Variants in AHCYL1 observed in about 807,000 individuals in gnomAD.
AHCYL1 encodes adenosylhomocysteinase like 1.
Under a neutral mutation model 79.3 loss-of-function variants are expected in AHCYL1, and 20 were observed. The observed-to-expected ratio is 0.25, with a 90% CI of 0.18 to 0.37. The LOEUF is 0.37. AHCYL1 is among the 10% of genes least tolerant of loss of function. The pLI is 1.00. For missense variants in AHCYL1, 330 were observed against 673.6 expected, an observed-to-expected ratio of 0.49 and a Z score of 5.65; for synonymous variants, 223 against 242.2, an observed-to-expected ratio of 0.92 and a Z score of 0.74.
chr1:110,008,536 G>A (rs966260233), intron 1 of AHCYL1, among the ~76,000 whole-genome samples: 11 of 152,060 alleles, frequency 7.2e-5, no homozygotes, highest in African/African-American at 2.7e-4. Flanking sequence ...GCACCCTAAT[G>A]CCCATCACCA....
chr1:109,989,177 A>G (rs1649624050), intron 1 of AHCYL1, among the ~76,000 whole-genome samples: 1 of 152,138 alleles, frequency 6.6e-6, no homozygotes, highest in African/African-American at 2.4e-5. Flanking sequence ...TGTTTGGTTT[A>G]GTTAGTTACA....
intron 6 of AHCYL1, 80 bp downstream of exon 6, chr1:110,014,937 G>C: frequency 7.5e-7 from 1 of 1,338,290 alleles, no homozygotes; most frequent in Non-Finnish European, 1.1e-6. Context: ...CCCTAAATAT[G>C]TTTTGGATGT....
rs1029277263 is a variant in AHCYL1 at position 109,985,182 on chromosome 1, C to T, written c.120+10C>T. ...CAAGGCGCCCAAGAAGGTGCGGGGGCTCTGGGTGGCGGCGGGGGCTCGGGC... is the reference window on the plus strand; with the variant it reads ...CAAGGCGCCCAAGAAGGTGCGGGGGTTCTGGGTGGCGGCGGGGGCTCGGGC... On this transcript the variant is annotated intron_variant, in intron 1 of 16. Transcript: ENST00000369799. 15 of 1,604,112 alleles carry T rather than the reference C, an allele frequency of 9.4e-6. No homozygotes were observed. Among genetic ancestry groups the T allele is most frequent in the East Asian group, 2.3e-5 (1 of 44,254 alleles).
At chr1:110,004,438 T>C (rs1650519106) in intron 1 of AHCYL1, 2 of 985,344 alleles carry the variant, frequency 2.0e-6, no homozygotes. Context: ...TCCCTTGAGA[T>C]AAGTTGTTTT....
intron 1 of AHCYL1, among the ~76,000 whole-genome samples, chr1:109,992,396 A>C (rs1649811106): frequency 6.8e-6 from 1 of 146,078 alleles, no homozygotes; most frequent in Non-Finnish European, 1.5e-5. Context: ...GCAACAGAGC[A>C]AGACTCCGTC....
Position 110,019,474 on chromosome 1 carries a change from T to G in AHCYL1, c.1387-74T>G, listed in dbSNP as rs546345734. On this transcript the variant is annotated intron_variant, in intron 14 of 16. Transcript: ENST00000369799. ...ACTGTAGTACTTACCCAAATGCTGT[T>G]TAACCTGGTTTTATTTTTATGTGCC... 176 of 1,378,008 alleles carry G rather than the reference T, an allele frequency of 1.3e-4. No individual in the cohort carries two copies. In the East Asian group the frequency reaches 3.8e-3, roughly 30 times the overall value. The allele number at this position is 1,378,008 out of a possible 1,614,324, so 85.4% of individuals were successfully genotyped here. A position where few individuals can be genotyped will look rare whatever the true frequency, so the allele number is the denominator to read the frequency against.
intron 3 of AHCYL1, 112 bp downstream of exon 3, chr1:110,011,469 A>C (rs1409379336): frequency 7.0e-7 from 1 of 1,433,364 alleles, no homozygotes; most frequent in Non-Finnish European, 9.5e-7. Flanking sequence ...GGGAAGAAAG[A>C]CAGTATTATG....
intron 1 of AHCYL1, among the ~76,000 whole-genome samples, chr1:109,999,704 A>ATT (rs148500432): frequency 1.4e-4 from 21 of 148,176 alleles, no homozygotes; most frequent in African/African-American, 3.2e-4. Context: ...CAATGGTAAA[A>ATT]TTTTTTTTTT....
chr1:110,000,899 C>T (rs1308737951), intron 1 of AHCYL1: 2 of 941,102 alleles, frequency 2.1e-6, no homozygotes, highest in South Asian at 4.9e-5. Context: ...AAATACAAAC[C>T]CTCTGTAAAC....
intron 16 of AHCYL1, among the ~76,000 whole-genome samples, 177 bp downstream of exon 16, chr1:110,021,028 C>T (rs1557777974): frequency 6.6e-6 from 1 of 152,184 alleles, no homozygotes; most frequent in Admixed American, 6.5e-5. Context: ...GAGGCCTAGG[C>T]GGATGGATCA....
chr1:109,987,317 TA>T (rs1443698462), intron 1 of AHCYL1, among the ~76,000 whole-genome samples: 1 of 152,210 alleles, frequency 6.6e-6, no homozygotes, highest in East Asian at 1.9e-4. Flanking sequence ...CATGTGTTGA[TA>T]ACGTGAAAGC....
chr1:110,019,362 G>A (rs1651642106), intron 14 of AHCYL1, among the ~76,000 whole-genome samples, 186 bp from the exon 15 acceptor site: 1 of 152,050 alleles, frequency 6.6e-6, no homozygotes, highest in African/African-American at 2.4e-5. Flanking sequence ...CTTTCGTTAG[G>A]AACTAAACAA....
chr1:109,985,075 C>A lies in AHCYL1; in HGVS notation c.23C>A (p.Pro8Gln), dbSNP rs1212093943. 1 of 1,605,138 alleles carries A rather than the reference C, an allele frequency of 6.2e-7. No homozygotes were observed. Among genetic ancestry groups the A allele is most frequent in the Non-Finnish European group, 8.5e-7 (1 of 1,176,592 alleles). The change falls in exon 1 of 17, where the codon CCG becomes CAG. Residue 8 changes from proline (P) to glutamine (Q), a missense_variant. This residue lies in a region of AHCYL1 where 66 missense variants were observed against 68.0 expected (regional missense o/e 0.97). Coordinates refer to ENST00000369799, the MANE Select transcript of AHCYL1 (RefSeq NM_006621.7). MSMPDAM[P>Q]LPGVGEELKQ... ...GGAATGTCGATGCCTGACGCGATGC[C>A]GCTGCCCGGGGTCGGGGAGGAGCTG...
chr1:109,985,009 G>T lies in AHCYL1; in HGVS notation c.-44G>T, dbSNP rs746358023. 127 of 1,479,372 alleles carry T rather than the reference G, an allele frequency of 8.6e-5. No homozygotes were observed. The Admixed American group carries it at 2.1e-3, about 24-fold the overall frequency. The allele number at this position is 1,479,372 out of a possible 1,614,324, so 91.6% of individuals were successfully genotyped here. ...GGCGGGCGGGCGCCAGAGGGGGAAAGAGGCGGGGGCGGCGGGTCAGCCGCT... is the reference window on the plus strand; with the variant it reads ...GGCGGGCGGGCGCCAGAGGGGGAAATAGGCGGGGGCGGCGGGTCAGCCGCT... On this transcript the variant is annotated 5_prime_UTR_variant, in exon 1 of 17. Transcript: ENST00000369799.
At position 110,012,927 on chromosome 1, in the gene AHCYL1, G is replaced by T. The variant is rs1339847409; in HGVS notation, c.508G>T (p.Ala170Ser). The change falls in exon 5 of 17, where the codon GCT becomes TCT. Residue 170 changes from alanine to serine, a missense_variant. Ala to Ser is a moderately conservative substitution (Grantham distance 99). Around this residue, in one of 6 missense-constraint regions of AHCYL1, gnomAD observed 97 missense variants for 176.3 expected, o/e 0.55. Transcript: ENST00000369799. The part of the protein sequence containing the change: ...VLIETLCALG[A>S]QCRWSACNIY... ...GATTGAGACACTCTGTGCCCTGGGG[G>T]CTCAGTGCCGCTGGTCTGCTTGTAA... is the stretch of plus-strand genomic sequence containing the variant. 12 of 1,612,482 alleles carry T rather than the reference G, an allele frequency of 7.4e-6. No homozygotes were observed. The highest frequency in any genetic ancestry group is 9.3e-6 in the Non-Finnish European group (11 of 1,179,668).
At chr1:110,019,687 A>G (rs986271073) in intron 15 of AHCYL1, 61 bp downstream of exon 15, 24 of 1,481,472 alleles carry the variant, frequency 1.6e-5, no homozygotes, top group Non-Finnish European at 2.2e-5. Context: ...AATGACTGCC[A>G]TGAAAGGCAT....
chr1:110,017,423 C>G, intron 9 of AHCYL1, 72 bp from the exon 10 acceptor site: 2 of 1,450,922 alleles, frequency 1.4e-6, no homozygotes, highest in South Asian at 2.3e-5. Flanking sequence ...TCCTGTCTCA[C>G]AAATAACCTA....
chr1:109,990,149 G>A (rs1445531463), intron 1 of AHCYL1, among the ~76,000 whole-genome samples: 2 of 152,142 alleles, frequency 1.3e-5, no homozygotes, highest in African/African-American at 4.8e-5. Context: ...CTAAAACTGT[G>A]AGTAGTAGTA....
chr1:110,008,308 A>C (rs1650798312), intron 1 of AHCYL1, among the ~76,000 whole-genome samples: 1 of 152,176 alleles, frequency 6.6e-6, no homozygotes. Flanking sequence ...TACCTGGCCC[A>C]TTTAAGGAAG....
Sources: gnomAD v4.1 joint callset for allele counts (sites outside exome capture counted in the v4.1 genomes callset) on GRCh38, gnomAD v4.1.1 for gene constraint, gnomAD v4.1.1 regional missense constraint, MANE v1.5 for transcripts, NCBI Gene and HGNC (gene_info 2026-07-23, HGNC 2026-07-21) for gene names.